CTSH: variants seen among roughly 807,000 people sequenced by gnomAD.
CTSH encodes cathepsin H.
CTSH carries 52 observed loss-of-function variants against 56.3 expected under a neutral mutation model. The ratio of observed to expected loss-of-function variants is 0.92; its 90% CI spans 0.74 to 1.16. CTSH has a LOEUF of 1.16. CTSH is among the 50% of genes most tolerant of loss of function. The pLI is 0.00. For missense variants in CTSH, 406 were observed against 424.5 expected (o/e 0.96, Z 0.38); for synonymous variants, 174 against 155.7 (o/e 1.12, Z -0.88).
At chr15:78,934,582 C>T (rs1170095147) in intron 5 of CTSH, among the ~76,000 whole-genome samples, 2 of 152,204 alleles carry the variant, frequency 1.3e-5, no homozygotes, top group African/African-American at 4.8e-5. Context: ...GGGAGGCGGC[C>T]AGCCAGGGCA....
chr15:78,937,436 AC>A lies in CTSH; in HGVS notation c.124-14del, dbSNP rs2055200033. On this transcript the variant is annotated splice_polypyrimidine_tract_variant and intron_variant, in intron 2 of 11. Coordinates refer to ENST00000220166, the MANE Select transcript of CTSH (RefSeq NM_004390.5). ...AGGTCTTACGGTGCTAAAACAAAAC[AC>A]GCCAGTAGCAAGTCATGGAAACAGG... The A allele has an allele frequency of 6.2e-7, 1 of 1,606,256 alleles. No individual in the cohort carries two copies. The highest frequency in any genetic ancestry group is 1.1e-5 in the South Asian group (1 of 90,610).
At chr15:78,932,716 G>C (rs545042049) in intron 5 of CTSH, among the ~76,000 whole-genome samples, 57 of 152,272 alleles carry the variant, frequency 3.7e-4, no homozygotes, top group African/African-American at 1.2e-3. Context: ...TTGCAAAGGA[G>C]CAGGAGCAGC....
intron 10 of CTSH, among the ~76,000 whole-genome samples, chr15:78,923,625 G>A (rs1462243044): frequency 6.6e-6 from 1 of 152,122 alleles, no homozygotes; most frequent in Non-Finnish European, 1.5e-5. Context: ...TCTGTCAGGA[G>A]AATCTCCATA....
rs199649917 is a variant in CTSH at position 78,931,437 on chromosome 15, G to A, written c.548+14C>T. ...AATGAGGAAGTTTTGGGCCCCTTCT[G>A]GTCAGAGACGTACCCTTGGCAGCCG... On this transcript the variant is annotated intron_variant, in intron 7 of 11. Transcript: ENST00000220166. 1.7e-5 allele frequency: 27 copies of A among 1,614,170 alleles called. No homozygotes were observed. In the Admixed American group the frequency reaches 3.8e-4, roughly 23 times the overall value.
At chr15:78,944,195 A>C (rs1355952420) in intron 1 of CTSH, among the ~76,000 whole-genome samples, 1 of 152,112 alleles carries the variant, frequency 6.6e-6, no homozygotes, top group East Asian at 1.9e-4. Context: ...GTAGGAAAGG[A>C]GGGAGGCAGT....
intron 1 of CTSH, among the ~76,000 whole-genome samples, chr15:78,943,205 A>G (rs1034071154): frequency 3.3e-5 from 5 of 151,950 alleles, no homozygotes; most frequent in Non-Finnish European, 7.4e-5. Flanking sequence ...GTGCCATAAT[A>G]CCTTGCCTGG....
At chr15:78,927,865 A>G (rs1465013209) in intron 8 of CTSH, 84 bp from the exon 9 acceptor site, 3 of 1,122,866 alleles carry the variant, frequency 2.7e-6, no homozygotes, top group Non-Finnish European at 4.1e-6. Context: ...CATTTACTAA[A>G]CAAAACAAGA....
chr15:78,935,094 A>G lies in CTSH; in HGVS notation c.301-12T>C. The G allele has an allele frequency of 5.7e-6, 9 of 1,571,152 alleles. No homozygotes were observed. The highest frequency in any genetic ancestry group is 7.9e-6 in the Non-Finnish European group (9 of 1,141,558). On this transcript the variant is annotated splice_polypyrimidine_tract_variant and intron_variant, in intron 4 of 11. Coordinates refer to ENST00000220166, the MANE Select transcript of CTSH (RefSeq NM_004390.5). ...GTGGCTGAGCAATTCTGGAACAACCAAACACATTATTTTCAGGAAAATAAA... is the reference window on the plus strand; with the variant it reads ...GTGGCTGAGCAATTCTGGAACAACCGAACACATTATTTTCAGGAAAATAAA...
intron 9 of CTSH, chr15:78,925,665 G>T: frequency 2.1e-6 from 1 of 478,972 alleles, no homozygotes; most frequent in South Asian, 2.1e-5. Context: ...CACCCTCTGA[G>T]ATAGGGACCA....
chr15:78,944,332 C>T (rs1387218976), intron 1 of CTSH, among the ~76,000 whole-genome samples: 1 of 152,214 alleles, frequency 6.6e-6, no homozygotes, highest in African/African-American at 2.4e-5. Context: ...AGTCCTGGGG[C>T]TCCACCTGAC....
At chr15:78,923,836 C>G (rs945413991) in intron 10 of CTSH, among the ~76,000 whole-genome samples, 4 of 152,192 alleles carry the variant, frequency 2.6e-5, no homozygotes, top group Admixed American at 2.6e-4. Context: ...CAAAAGTGAA[C>G]TAGCCTCCAT....
intron 6 of CTSH, chr15:78,931,997 G>A (rs1237131906): frequency 5.2e-6 from 6 of 1,160,312 alleles, no homozygotes; most frequent in Non-Finnish European, 5.4e-6. Context: ...CGAGGGGATG[G>A]ATGCATAGGT....
Position 78,935,718 on chromosome 15 carries a change from CA to C in CTSH, c.261del (p.Phe87LeufsTer4), listed in dbSNP as rs777707691. ...MALNQFSDMS[F>X]AEIKHKYLWS... ...CAGAGATACTTGTGTTTTATTTCAGCAAAGCTCATGTCTGAAAATTGGTTCA... is the reference window on the plus strand; with the variant it reads ...CAGAGATACTTGTGTTTTATTTCAGCAAGCTCATGTCTGAAAATTGGTTCA... On this transcript the variant is annotated frameshift_variant, in exon 4 of 12. Coordinates refer to ENST00000220166, the MANE Select transcript of CTSH (RefSeq NM_004390.5). LOFTEE classifies it high-confidence loss of function. 3.1e-6 allele frequency: 5 copies of C among 1,611,216 alleles called. No homozygotes were observed. The East Asian group carries it at 1.1e-4, about 36-fold the overall frequency.
chr15:78,922,069 C>T lies in CTSH; in HGVS notation c.*61G>A. On this transcript the variant is annotated 3_prime_UTR_variant, in exon 12 of 12. Transcript: ENST00000220166. ...AACTTCCTCCAGGGCAGGATTTCCA[C>T]CCAGGCCCAGGCTGCCCGTTCCTCT... 2.7e-6 allele frequency: 4 copies of T among 1,486,974 alleles called. No homozygotes were observed. Among genetic ancestry groups the T allele is most frequent in the Non-Finnish European group, 3.7e-6 (4 of 1,091,360 alleles). 92.1% of individuals were successfully genotyped at this position (1,486,974 alleles called of 1,614,324 possible).
In CTSH at chr15:78,940,438, T is replaced by TA. The variant is rs1380613768; in HGVS notation, c.92-1268dup. Reference sequence around the variant, plus strand: ...GTCTCTACAAAAAAATAAAAAAAATTAGACGGGAGAATCACTTGAGCCTGG... The same window carrying TA: ...GTCTCTACAAAAAAATAAAAAAAATTAAGACGGGAGAATCACTTGAGCCTGG... On this transcript the variant is annotated intron_variant, in intron 1 of 11. Transcript: ENST00000220166. 5.9e-5 allele frequency among the ~76,000 whole-genome samples: 9 copies of TA among 151,558 alleles called. No individual in the cohort carries two copies. The East Asian group carries it at 1.5e-3, about 26-fold the overall frequency.
At chr15:78,929,972 A>C (rs1453905164) in intron 7 of CTSH, among the ~76,000 whole-genome samples, 1 of 152,200 alleles carries the variant, frequency 6.6e-6, no homozygotes, top group Non-Finnish European at 1.5e-5. Flanking sequence ...TCTTTTCTAC[A>C]TCATGTGGCC....
At chr15:78,935,569 A>T in intron 4 of CTSH, 111 bp downstream of exon 4, 2 of 850,048 alleles carry the variant, frequency 2.4e-6, no homozygotes, top group Non-Finnish European at 3.7e-6. Context: ...GGATACCCTC[A>T]GCTGCATCTG....
At chr15:78,925,195 G>A (rs372872460) in intron 10 of CTSH, 139 bp downstream of exon 10, 33 of 600,170 alleles carry the variant, frequency 5.5e-5, no homozygotes, top group East Asian at 2.3e-4. Context: ...TGTGCAAAAC[G>A]CCCAGCACCT....
chr15:78,940,147 A>G (rs1437328406), intron 1 of CTSH, among the ~76,000 whole-genome samples: 2 of 150,534 alleles, frequency 1.3e-5, no homozygotes, highest in African/African-American at 4.8e-5. Flanking sequence ...ATAATAAAAC[A>G]AACAAGACAA....
Sources: allele counts gnomAD v4.1 joint callset (sites outside exome capture counted in the v4.1 genomes callset), GRCh38; gene constraint gnomAD v4.1.1; transcripts MANE v1.5; gene names NCBI Gene and HGNC (gene_info 2026-07-23, HGNC 2026-07-21).